Variants in LRRIQ1 observed in about 807,000 individuals in gnomAD.
The protein encoded by LRRIQ1 is leucine rich repeats and IQ motif containing 1.
A neutral mutation model predicts 211.9 loss-of-function variants in LRRIQ1; 210 were observed. The observed-to-expected ratio is 0.99, with a 90% CI of 0.89 to 1.11. The LOEUF (loss-of-function observed/expected upper bound fraction) is 1.11, where lower values mean the gene tolerates loss of function less well. Among genes scored for constraint, LRRIQ1 ranks in the 50% most tolerant of loss-of-function variants. The pLI is 0.00. For missense variants in LRRIQ1, 2,136 were observed against 1,939.5 expected, an observed-to-expected ratio of 1.10 and a Z score of -1.90; for synonymous variants, 699 against 650.1, an observed-to-expected ratio of 1.08 and a Z score of -1.14.
At chr12:85,265,741 T>A (rs1896404512), downstream of LRRIQ1, among the ~76,000 whole-genome samples, 1 of 152,012 alleles carries the variant, frequency 6.6e-6, no homozygotes, top group Admixed American at 6.6e-5. Context: ...CCAATAATGT[T>A]ATATTAATTA....
intron 1 of LRRIQ1, among the ~76,000 whole-genome samples, chr12:85,261,763 T>C (rs1896295199): frequency 7.0e-6 from 1 of 143,100 alleles, no homozygotes; most frequent in Admixed American, 7.0e-5. Context: ...TTTTTTTGTT[T>C]ATTTTATTTA....
chr12:85,133,615 G>A (rs556434576), intron 18 of LRRIQ1, among the ~76,000 whole-genome samples: 1 of 152,128 alleles, frequency 6.6e-6, no homozygotes, highest in Non-Finnish European at 1.5e-5. Flanking sequence ...ACTGGGGGTA[G>A]ACGGAGTGGA....
chr12:85,109,755 A>G (rs546940846), intron 15 of LRRIQ1, among the ~76,000 whole-genome samples: 111 of 152,266 alleles, frequency 7.3e-4, no homozygotes, highest in Non-Finnish European at 1.3e-3. Flanking sequence ...GATATATACT[A>G]AAGTTTGAAA....
At chr12:85,102,953 A>ATATATATATATATATATAT (rs1555207709) in intron 13 of LRRIQ1, among the ~76,000 whole-genome samples, 3 of 118,780 alleles carry the variant, frequency 2.5e-5, no homozygotes, top group East Asian at 3.0e-4. Context: ...GCAAAAAAAA[A>ATATATATATATATATATAT]AAAAAAATAT....
At chr12:85,215,638 T>C (rs962958830) in intron 24 of LRRIQ1, among the ~76,000 whole-genome samples, 12 of 152,132 alleles carry the variant, frequency 7.9e-5, no homozygotes, top group African/African-American at 2.9e-4. Context: ...CTAAGGATAA[T>C]GGCCTCAAGT....
downstream of LRRIQ1, among the ~76,000 whole-genome samples, chr12:85,264,855 AC>A (rs1392610577): frequency 3.9e-5 from 6 of 151,942 alleles, no homozygotes; most frequent in Admixed American, 3.9e-4. Context: ...CCTATCCCCA[AC>A]CCCTTACAGA....
intron 10 of LRRIQ1, among the ~76,000 whole-genome samples, chr12:85,068,038 C>T (rs1447360467): frequency 1.3e-5 from 2 of 151,912 alleles, no homozygotes; most frequent in Non-Finnish European, 2.9e-5. Context: ...TTGTATTATT[C>T]ACCTCCTGGC....
chr12:85,050,400 A>G (rs536090288), intron 6 of LRRIQ1, among the ~76,000 whole-genome samples: 64 of 152,314 alleles, frequency 4.2e-4, no homozygotes, highest in African/African-American at 1.5e-3. Context: ...AAGGTAGACT[A>G]CATAACTCTC....
chr12:85,151,863 G>C (rs1215285131), intron 19 of LRRIQ1, among the ~76,000 whole-genome samples: 3 of 151,492 alleles, frequency 2.0e-5, no homozygotes, highest in Non-Finnish European at 4.4e-5. Context: ...GAAAAAGCTG[G>C]TTTATAGACT....
chr12:85,101,954 A>G (rs1181651811), intron 13 of LRRIQ1, among the ~76,000 whole-genome samples: 2 of 151,694 alleles, frequency 1.3e-5, no homozygotes. Context: ...AGATACTCTG[A>G]AAAAAGAAAA....
At chr12:85,069,898 A>G (rs1403975314) in intron 10 of LRRIQ1, among the ~76,000 whole-genome samples, 1 of 151,670 alleles carries the variant, frequency 6.6e-6, no homozygotes, top group Non-Finnish European at 1.5e-5. Context: ...TTGCCTGTTC[A>G]CTCTGATGGT....
At chr12:85,170,575 G>C (rs904423337) in intron 24 of LRRIQ1, among the ~76,000 whole-genome samples, 2 of 150,956 alleles carry the variant, frequency 1.3e-5, no homozygotes, top group Admixed American at 1.3e-4. Context: ...TGAGAGATAT[G>C]TATATGGTTA....
At chr12:85,241,677 A>G (rs1180185299) in intron 26 of LRRIQ1, among the ~76,000 whole-genome samples, 2 of 151,740 alleles carry the variant, frequency 1.3e-5, no homozygotes, top group Non-Finnish European at 2.9e-5. Context: ...AAAACAAAGT[A>G]GCATGTAAGG....
At chr12:85,071,014 T>A (rs1169485778) in intron 10 of LRRIQ1, among the ~76,000 whole-genome samples, 2 of 151,974 alleles carry the variant, frequency 1.3e-5, no homozygotes, top group African/African-American at 2.4e-5. Context: ...ATAATTTAGT[T>A]TGCTAAATTA....
chr12:85,271,871 A>C, the LRRIQ1 span, among the ~76,000 whole-genome samples: 1 of 152,134 alleles, frequency 6.6e-6, no homozygotes, highest in Non-Finnish European at 1.5e-5. Context: ...TGGTATTCTA[A>C]AGATTTAGAT....
chr12:85,141,051 AG>A (rs1889498176), intron 19 of LRRIQ1, among the ~76,000 whole-genome samples: 1 of 151,158 alleles, frequency 6.6e-6, no homozygotes, highest in African/African-American at 2.4e-5. Flanking sequence ...CTCCCTCTTC[AG>A]GTTTTAGTAT....
In LRRIQ1 at chr12:85,163,808, A is replaced by G. The variant is rs530304823; in HGVS notation, c.4822+3094A>G. Among the ~76,000 whole-genome samples, 4 of 152,212 alleles carry G rather than the reference A, an allele frequency of 2.6e-5. No homozygotes were observed. In the South Asian group the frequency reaches 6.2e-4, roughly 24 times the overall value. On this transcript the variant is annotated intron_variant, in intron 24 of 26. Transcript: ENST00000393217. ...AAATATTATACCATTTTTACAGTCTATGTTTTACAGGATGTTCTTCTATTT... is the reference window on the plus strand; with the variant it reads ...AAATATTATACCATTTTTACAGTCTGTGTTTTACAGGATGTTCTTCTATTT...
chr12:85,259,390 T>A (rs1443357168), intron 1 of LRRIQ1, among the ~76,000 whole-genome samples: 2 of 152,084 alleles, frequency 1.3e-5, no homozygotes, highest in Non-Finnish European at 2.9e-5. Context: ...TTATGTTTTT[T>A]CATTTCTGGA....
intron 7 of LRRIQ1, 62 bp downstream of exon 7, chr12:85,052,313 G>A: frequency 1.2e-6 from 1 of 839,384 alleles, no homozygotes; most frequent in Non-Finnish European, 1.9e-6. Context: ...ACATTACTAT[G>A]CTTGAAATGG....
Sources: gnomAD v4.1 joint callset for allele counts (sites outside exome capture counted in the v4.1 genomes callset) on GRCh38, gnomAD v4.1.1 for gene constraint, MANE v1.5 for transcripts, NCBI Gene and HGNC (gene_info 2026-07-23, HGNC 2026-07-21) for gene names.